DMD: variants seen among roughly 807,000 people sequenced by gnomAD.
DMD encodes the protein dystrophin.
DMD carries 63 observed loss-of-function variants against 330.1 expected under a neutral mutation model. The observed-to-expected ratio is 0.19, with a 90% CI of 0.16 to 0.24. DMD has a LOEUF of 0.24. DMD is among the 10% of genes least tolerant of loss of function. The pLI is 1.00. For synonymous variants in DMD, 1,223 were observed against 959.8 expected (o/e 1.27, Z -5.07); for missense variants, 3,344 against 2,684.1 (o/e 1.25, Z -5.43).
At chrX:32,473,419 A>G (rs939218390) in intron 21 of DMD, among the ~76,000 whole-genome samples, 1 of 111,713 alleles carries the variant, frequency 9.0e-6, no homozygotes, top group Non-Finnish European at 1.9e-5. Context: ...ATAATGGCTA[A>G]TAATGTTTCT....
intron 48 of DMD, among the ~76,000 whole-genome samples, chrX:31,856,944 A>C (rs2149582739): frequency 8.9e-6 from 1 of 112,420 alleles, no homozygotes; most frequent in African/African-American, 3.2e-5. Flanking sequence ...CCTTCAAACA[A>C]ATCTTAAAAA....
intron 1 of DMD, among the ~76,000 whole-genome samples, chrX:33,196,916 T>C (rs747349778): frequency 9.0e-5 from 10 of 111,309 alleles, no homozygotes; most frequent in African/African-American, 2.6e-4. Flanking sequence ...CATTGTCAAG[T>C]TACCATGCCC....
chrX:33,020,271 T>A (rs1452205952), intron 1 of DMD, 71 bp from the exon 2 acceptor site: 1 of 750,533 alleles, frequency 1.3e-6, no homozygotes. Flanking sequence ...ACAACCAAAG[T>A]AACTTTCCAT....
chrX:32,621,573 C>T (rs1220416908), intron 11 of DMD, among the ~76,000 whole-genome samples: 1 of 109,895 alleles, frequency 9.1e-6, no homozygotes, highest in South Asian at 4.0e-4. Context: ...ATCCTCTCCC[C>T]TTGGCCTCCC....
At chrX:32,899,921 G>C (rs900568673) in intron 2 of DMD, among the ~76,000 whole-genome samples, 1 of 111,090 alleles carries the variant, frequency 9.0e-6, no homozygotes, top group Non-Finnish European at 1.9e-5. Flanking sequence ...TGTAATTTCA[G>C]TTTTATGGTT....
chrX:31,495,486 C>T lies in DMD; in HGVS notation c.8547+1302G>A, dbSNP rs181047700. Among the ~76,000 whole-genome samples the T allele has an allele frequency of 4.8e-3, 536 of 111,701 alleles. 2 individuals carry two copies. Among genetic ancestry groups the T allele is most frequent in the African/African-American group, 0.017 (511 of 30,799 alleles). ...GTCTTGGAGGTGAACAAGACAAAAT[C>T]TCTGCCTTTTTCACTCAGAGCTTAG... is the stretch of plus-strand genomic sequence containing the variant. On this transcript the variant is annotated intron_variant, in intron 57 of 78. Coordinates refer to ENST00000357033, the MANE Select transcript of DMD (RefSeq NM_004006.3).
chrX:31,212,873 G>A (rs748445741), intron 64 of DMD, among the ~76,000 whole-genome samples: 1 of 111,869 alleles, frequency 8.9e-6, no homozygotes, highest in South Asian at 3.8e-4. Flanking sequence ...GACAACAGTA[G>A]GATAAAACAG....
chrX:32,610,259 C>T (rs1445407569), intron 12 of DMD, among the ~76,000 whole-genome samples: 1 of 111,290 alleles, frequency 9.0e-6, no homozygotes, highest in Non-Finnish European at 1.9e-5. Flanking sequence ...AATTCTCTCC[C>T]TACAGCAATG....
chrX:32,643,731 T>C (rs2059615819), intron 11 of DMD, among the ~76,000 whole-genome samples: 1 of 111,955 alleles, frequency 8.9e-6, no homozygotes, highest in Non-Finnish European at 1.9e-5. Context: ...AACTCTTTAA[T>C]ATTTTCAAGG....
chrX:32,634,070 C>T (rs747603963), intron 11 of DMD, among the ~76,000 whole-genome samples: 1 of 111,621 alleles, frequency 9.0e-6, no homozygotes, highest in African/African-American at 3.3e-5. Flanking sequence ...GCACCCCACC[C>T]AAAAGATAAA....
intron 48 of DMD, among the ~76,000 whole-genome samples, chrX:31,861,403 C>T (rs898107152): frequency 2.7e-5 from 3 of 109,973 alleles, no homozygotes; most frequent in Non-Finnish European, 5.7e-5. Context: ...GCCAGTTTGA[C>T]GCAGCCATTC....
At chrX:31,221,914 C>T (rs941176748) in intron 64 of DMD, among the ~76,000 whole-genome samples, 7 of 111,378 alleles carry the variant, frequency 6.3e-5, no homozygotes, top group South Asian at 3.8e-4. Context: ...AAAATTAGGC[C>T]GGGCGTGGTG....
chrX:31,971,956 G>C (rs1450647045), intron 44 of DMD, among the ~76,000 whole-genome samples: 1 of 111,506 alleles, frequency 9.0e-6, no homozygotes, highest in Admixed American at 9.5e-5. Flanking sequence ...TAGTTAGAAA[G>C]CTTATTGTGT....
intron 43 of DMD, among the ~76,000 whole-genome samples, chrX:32,219,309 C>T (rs1372190547): frequency 2.7e-5 from 3 of 111,098 alleles, no homozygotes; most frequent in Non-Finnish European, 5.7e-5. Context: ...AAGTTTATTC[C>T]CTTTAAAAAT....
rs568366334 is a variant in DMD, at chrX:32,297,173, G to A, written c.6118-9472C>T. Among the ~76,000 whole-genome samples the A allele has an allele frequency of 1.7e-4, 19 of 110,718 alleles. No homozygotes were observed. The East Asian group carries it at 4.8e-3, about 28-fold the overall frequency. ...TCTCTCTGTGTCTGACAGCTACATC[G>A]CTGTATTCATTCATTAACTCAAGAA... is the stretch of plus-strand genomic sequence containing the variant. On this transcript the variant is annotated intron_variant, in intron 42 of 78. Coordinates refer to ENST00000357033, the MANE Select transcript of DMD (RefSeq NM_004006.3).
intron 44 of DMD, among the ~76,000 whole-genome samples, chrX:32,165,118 C>A (rs933976945): frequency 8.9e-6 from 1 of 112,155 alleles, no homozygotes; most frequent in Non-Finnish European, 1.9e-5. Flanking sequence ...GTTGGAGCCC[C>A]AACACAGAGT....
chrX:31,158,325 T>C (rs375712284), intron 74 of DMD, among the ~76,000 whole-genome samples: 278 of 112,260 alleles, frequency 2.5e-3, no homozygotes, highest in Middle Eastern at 4.6e-3. Context: ...AAGATTACGC[T>C]ATGTGAAAGA....
chrX:32,912,475 AAGGAACCTTGTTTGTAAT>A (rs1284772206), intron 2 of DMD, among the ~76,000 whole-genome samples: 3 of 111,233 alleles, frequency 2.7e-5, no homozygotes, highest in Admixed American at 1.9e-4. Context: ...ACATGTATAC[AAGGAACCTTGTTTGTAAT>A]AGGAAAAGAA....
chrX:32,570,542 G>C (rs1210143845), intron 15 of DMD, among the ~76,000 whole-genome samples: 1 of 112,024 alleles, frequency 8.9e-6, no homozygotes, highest in Non-Finnish European at 1.9e-5. Flanking sequence ...GCACATTATT[G>C]TTAGAAATGA....
Sources: allele counts gnomAD v4.1 joint callset (sites outside exome capture counted in the v4.1 genomes callset), GRCh38; gene constraint gnomAD v4.1.1; transcripts MANE v1.5; gene names NCBI Gene and HGNC (gene_info 2026-07-23, HGNC 2026-07-21).